Variants in PTPRM observed in about 807,000 individuals in gnomAD.
PTPRM encodes receptor-type tyrosine-protein phosphatase mu.
Under a neutral mutation model 186.7 loss-of-function variants are expected in PTPRM, and 47 were observed. The ratio of observed to expected loss-of-function variants is 0.25; its 90% confidence interval spans 0.20 to 0.32. PTPRM has a LOEUF of 0.32. Among genes scored for constraint, PTPRM ranks in the 10% least tolerant of loss-of-function variants. PTPRM has a pLI of 1.00. For synonymous variants in PTPRM, 668 were observed against 674.9 expected, an observed-to-expected ratio of 0.99 and a Z score of 0.16; for missense variants, 1,494 against 1,865.0, an observed-to-expected ratio of 0.80 and a Z score of 3.66.
chr18:7,983,840 C>T (rs987876135), intron 7 of PTPRM, among the ~76,000 whole-genome samples: 1 of 152,090 alleles, frequency 6.6e-6, no homozygotes, highest in South Asian at 2.1e-4. Flanking sequence ...CACATAAAAA[C>T]GTGCCATAGT....
At chr18:7,768,422 G>A (rs191794083) in intron 1 of PTPRM, among the ~76,000 whole-genome samples, 34 of 152,280 alleles carry the variant, frequency 2.2e-4, no homozygotes, top group Non-Finnish European at 4.4e-4. Flanking sequence ...GAGCCTGGGA[G>A]ATCAAGGCTA....
At chr18:8,397,006 G>T (rs1371986396) in intron 32 of PTPRM, among the ~76,000 whole-genome samples, 1 of 152,192 alleles carries the variant, frequency 6.6e-6, no homozygotes, top group Non-Finnish European at 1.5e-5. Flanking sequence ...AGTTTTATTG[G>T]GCATCACAGG....
chr18:8,406,622 A>C lies in PTPRM; in HGVS notation c.*460A>C, dbSNP rs776148194. On this transcript the variant is annotated 3_prime_UTR_variant, in exon 33 of 33. Transcript: ENST00000580170. ...TTAACATGTTGCATAATATATGCTT[A>C]TGTAGCTTTCCAGGACTAACAGATA... is the stretch of plus-strand genomic sequence containing the variant. 6.3e-6 allele frequency: 1 copy of C among 158,552 alleles called. No individual in the cohort carries two copies. The highest frequency in any genetic ancestry group is 1.4e-5 in the Non-Finnish European group (1 of 71,308). The allele number at this position is 158,552 out of a possible 1,614,324, so 9.8% of individuals were successfully genotyped here.
intron 1 of PTPRM, among the ~76,000 whole-genome samples, chr18:7,722,545 C>T (rs2040467618): frequency 6.6e-6 from 1 of 152,032 alleles, no homozygotes; most frequent in Admixed American, 6.5e-5. Context: ...TGGGTAAATT[C>T]ACTTATAAAT....
chr18:7,672,652 C>T (rs1030579253), intron 1 of PTPRM, among the ~76,000 whole-genome samples: 2 of 152,148 alleles, frequency 1.3e-5, no homozygotes, highest in African/African-American at 4.8e-5. Flanking sequence ...GTATAGTTTT[C>T]TCAAGGAGTC....
Position 7,774,131 on chromosome 18 carries a change from T to A in PTPRM, c.74-18T>A. On this transcript the variant is annotated intron_variant, in intron 1 of 32. Coordinates refer to ENST00000580170, the MANE Select transcript of PTPRM (RefSeq NM_001105244.2). ...TCTGGTTGGTATTTACATTACTTTTTATTCTTTTACATTTTAGGTGGCTGC... is the reference window on the plus strand; with the variant it reads ...TCTGGTTGGTATTTACATTACTTTTAATTCTTTTACATTTTAGGTGGCTGC... 6.3e-7 allele frequency: 1 copy of A among 1,599,344 alleles called. No homozygotes were observed. The highest frequency in any genetic ancestry group is 8.6e-7 in the Non-Finnish European group (1 of 1,167,536).
At position 8,253,289 on chromosome 18, in the gene PTPRM, C is replaced by T. The variant is rs780624294; in HGVS notation, c.2629C>T (p.Arg877Ter). The T allele has an allele frequency of 1.9e-6, 3 of 1,595,672 alleles. No homozygotes were observed. The highest frequency in any genetic ancestry group is 1.4e-5 in the African/African-American group (1 of 74,012). Residue 877 changes from arginine (R) to a stop codon, truncating the protein, a stop_gained, in exon 19 of 33, where the codon CGA (arginine) becomes TGA (stop). Transcript: ENST00000580170. LOFTEE classifies it high-confidence loss of function. ...GGTGCAGTCCCATACTTACAAGAAGCGAGAGCCGGCCGACGTGCCCTATCA... is the reference window on the plus strand; with the variant it reads ...GGTGCAGTCCCATACTTACAAGAAGTGAGAGCCGGCCGACGTGCCCTATCA... Reference protein sequence around the residue: ...SLVQSHTYKKREPADVPYQTG... With the variant: ...SLVQSHTYKK
At chr18:8,203,827 A>T (rs934129628) in intron 14 of PTPRM, among the ~76,000 whole-genome samples, 1 of 152,220 alleles carries the variant, frequency 6.6e-6, no homozygotes, top group African/African-American at 2.4e-5. Context: ...CTTCTAATCG[A>T]GTAAAAGTTT....
chr18:8,312,435 G>T (rs1169843533), intron 20 of PTPRM, among the ~76,000 whole-genome samples: 1 of 152,152 alleles, frequency 6.6e-6, no homozygotes, highest in African/African-American at 2.4e-5. Flanking sequence ...TGTTCCTGGG[G>T]TTGCTGTTAT....
At chr18:8,133,831 T>A (rs1277395404) in intron 13 of PTPRM, among the ~76,000 whole-genome samples, 1 of 151,908 alleles carries the variant, frequency 6.6e-6, no homozygotes, top group African/African-American at 2.4e-5. Context: ...AATGAAAGAG[T>A]GACTTGATTG....
intron 1 of PTPRM, among the ~76,000 whole-genome samples, chr18:7,601,447 G>C (rs1438414908): frequency 2.0e-5 from 3 of 152,240 alleles, no homozygotes; most frequent in Non-Finnish European, 4.4e-5. Flanking sequence ...CAGGTCTGGA[G>C]TCAAGGTGTG....
chr18:7,816,154 G>C (rs967432173), intron 2 of PTPRM, among the ~76,000 whole-genome samples: 4 of 152,096 alleles, frequency 2.6e-5, no homozygotes, highest in Non-Finnish European at 5.9e-5. Flanking sequence ...TCCAGGACTT[G>C]GTAAAGTTAA....
intron 1 of PTPRM, chr18:7,749,502 AAG>A (rs1466145128): frequency 1.3e-5 from 2 of 152,180 alleles, no homozygotes; most frequent in African/African-American, 4.8e-5. Context: ...TTTTTATTTT[AAG>A]TGAGATTATG....
At chr18:8,026,833 G>T (rs935760600) in intron 7 of PTPRM, among the ~76,000 whole-genome samples, 7 of 151,946 alleles carry the variant, frequency 4.6e-5, no homozygotes, top group African/African-American at 1.7e-4. Flanking sequence ...ACTCCAGCCT[G>T]GGCAACAGAG....
chr18:7,643,204 T>G (rs2038485159), intron 1 of PTPRM, among the ~76,000 whole-genome samples: 1 of 152,166 alleles, frequency 6.6e-6, no homozygotes, highest in African/African-American at 2.4e-5. Context: ...TCAATTACTT[T>G]TGCTTAGTTT....
intron 5 of PTPRM, among the ~76,000 whole-genome samples, chr18:7,937,631 G>A (rs1157696989): frequency 6.6e-6 from 1 of 152,226 alleles, no homozygotes; most frequent in Non-Finnish European, 1.5e-5. Flanking sequence ...TCTGGCTGGC[G>A]AAGCAACACC....
intron 1 of PTPRM, among the ~76,000 whole-genome samples, chr18:7,762,189 A>G (rs1020065500): frequency 1.3e-5 from 2 of 152,106 alleles, no homozygotes; most frequent in Non-Finnish European, 2.9e-5. Flanking sequence ...AAACCTGTAT[A>G]TTTGGCAGTG....
chr18:7,728,488 G>T (rs928901893), intron 1 of PTPRM, among the ~76,000 whole-genome samples: 1 of 152,214 alleles, frequency 6.6e-6, no homozygotes, highest in Admixed American at 6.5e-5. Flanking sequence ...TGATGGCTCC[G>T]CCCAGTTCCC....
At chr18:7,812,277 A>C (rs2145494473) in intron 2 of PTPRM, among the ~76,000 whole-genome samples, 1 of 152,128 alleles carries the variant, frequency 6.6e-6, no homozygotes, top group Non-Finnish European at 1.5e-5. Context: ...ATTTTAAAAA[A>C]CCGGTTTTGA....
Sources: gnomAD v4.1 joint callset for allele counts (sites outside exome capture counted in the v4.1 genomes callset) on GRCh38, gnomAD v4.1.1 for gene constraint, MANE v1.5 for transcripts, NCBI Gene and HGNC (gene_info 2026-07-23, HGNC 2026-07-21) for gene names.